The following DOCK9 variants were observed in gnomAD, a reference collection of about 807,000 sequenced individuals.
The protein encoded by DOCK9 is dedicator of cytokinesis 9.
A neutral mutation model predicts 263.3 loss-of-function variants in DOCK9; 89 were observed. That is an observed-to-expected ratio of 0.34 (90% CI 0.28 to 0.40). The LOEUF (loss-of-function observed/expected upper bound fraction) is 0.40. DOCK9 is among the 10% of genes least tolerant of loss of function. The probability of loss-of-function intolerance (pLI) is 1.00; values close to 1 mark genes in which losing one functional copy is unlikely to be tolerated. For synonymous variants in DOCK9, 976 were observed against 973.1 expected, an observed-to-expected ratio of 1.00 and a Z score of -0.06; for missense variants, 2,140 against 2,603.4, an observed-to-expected ratio of 0.82 and a Z score of 3.87.
upstream of DOCK9, chr13:99,088,128 C>G (rs75741105): frequency 3.2e-3 from 489 of 152,384 alleles, 3 homozygotes; most frequent in African/African-American, 0.011. Flanking sequence ...TAATTACTTG[C>G]AGGATCGGAT....
chr13:98,932,029 G>A (rs72651836), intron 2 of DOCK9, among the ~76,000 whole-genome samples: 3,220 of 152,236 alleles, frequency 0.021, 58 homozygotes, highest in Admixed American at 0.062. Flanking sequence ...GCCCGGCCTG[G>A]GCTTCAGGTT....
chr13:98,999,316 A>ACT lies in DOCK9; in HGVS notation c.130-43767_130-43766dup, dbSNP rs903855891. Among the ~76,000 whole-genome samples the ACT allele has an allele frequency of 2.4e-3, 328 of 138,362 alleles. 1 individual carries two copies. The highest frequency in any genetic ancestry group is 6.3e-3 in the Admixed American group (90 of 14,236). The allele number at this position is 138,362 out of a possible 152,430, so 90.8% of individuals were successfully genotyped here. A position where few individuals can be genotyped will look rare whatever the true frequency, so the allele number is the denominator to read the frequency against. On this transcript the variant is annotated intron_variant, in intron 1 of 32. Coordinates refer to the DOCK9 transcript ENST00000427887. ...CACACACACACACACACACACACAC[A>ACT]CTCTCTCTCTCTCTCTCTCTGGAAG...
At chr13:98,841,794 CATTATT>C (rs71114554) in intron 38 of DOCK9, among the ~76,000 whole-genome samples, 10 of 149,206 alleles carry the variant, frequency 6.7e-5, no homozygotes, top group South Asian at 6.5e-4. Context: ...GATTTTTCTG[CATTATT>C]ATTATTATTA....
In DOCK9 at chr13:98,839,961, A is replaced by G. The variant is rs73555184; in HGVS notation, c.4199-2352T>C. Among the ~76,000 whole-genome samples the G allele has an allele frequency of 7.2e-3, 1,101 of 152,312 alleles. 17 individuals are homozygous for G. Among genetic ancestry groups the G allele is most frequent in the African/African-American group, 0.026 (1,070 of 41,558 alleles). ...ATGGTCCTTTTAGCCACATATTGTT[A>G]TGCTTTGCTTTTCCTCCAACTGTTT... On this transcript the variant is annotated intron_variant, in intron 38 of 52. Coordinates refer to ENST00000682017, the MANE Select transcript of DOCK9 (RefSeq NM_001366683.2).
In DOCK9 at chr13:98,856,160, C is replaced by G. The variant is rs919324899; in HGVS notation, c.3698-129G>C. On this transcript the variant is annotated intron_variant, in intron 33 of 52. Coordinates refer to ENST00000682017, the MANE Select transcript of DOCK9 (RefSeq NM_001366683.2). Reference sequence around the variant, plus strand: ...TGTTAGGAAGTTGGCTCAAGAGTTGCATTCCATTACTTCACCTTTAAAGAA... The same window carrying G: ...TGTTAGGAAGTTGGCTCAAGAGTTGGATTCCATTACTTCACCTTTAAAGAA... The G allele has an allele frequency of 2.4e-5, 21 of 879,394 alleles. No individual in the cohort carries two copies. In the Middle Eastern group the frequency reaches 8.2e-4, roughly 34 times the overall value. The allele number at this position is 879,394 out of a possible 1,614,324, so 54.5% of individuals were successfully genotyped here.
intron 4 of DOCK9, among the ~76,000 whole-genome samples, chr13:98,924,154 A>G (rs974538391): frequency 4.6e-5 from 7 of 152,230 alleles, no homozygotes; most frequent in Non-Finnish European, 8.8e-5. Context: ...AGAATTAAAA[A>G]ATCCCTAAGG....
chr13:98,888,223 C>G lies in DOCK9; in HGVS notation c.1978G>C (p.Ala660Pro). Reference protein sequence around the residue: ...KYDSQKSFAKARNIAICIEFK... With the variant: ...KYDSQKSFAKPRNIAICIEFK... Reference sequence around the variant, plus strand: ...TCAATGCAAATCGCAATATTTCTAGCCTGCAGCAATAAACAAAACAGAATA... The same window carrying G: ...TCAATGCAAATCGCAATATTTCTAGGCTGCAGCAATAAACAAAACAGAATA... The change falls in exon 18 of 53, where the codon GCT (alanine) becomes CCT (proline). Residue 660 changes from alanine (A) to proline (P), a missense_variant and splice_region_variant. Transcript: ENST00000682017. 2 of 1,610,636 alleles carry G rather than the reference C, an allele frequency of 1.2e-6. No homozygotes were observed. Among genetic ancestry groups the G allele is most frequent in the Non-Finnish European group, 1.7e-6 (2 of 1,178,376 alleles).
At chr13:98,877,551 C>G (rs2044068836) in intron 27 of DOCK9, among the ~76,000 whole-genome samples, 1 of 152,098 alleles carries the variant, frequency 6.6e-6, no homozygotes, top group African/African-American at 2.4e-5. Flanking sequence ...GCCAAAACCA[C>G]TCTCTCTCCA....
At chr13:98,985,338 A>G (rs1477682074) in intron 1 of DOCK9, among the ~76,000 whole-genome samples, 1 of 134,650 alleles carries the variant, frequency 7.4e-6, no homozygotes, top group Non-Finnish European at 1.5e-5. Flanking sequence ...TCATTTTTCC[A>G]TAGGCTCTAT....
chr13:99,085,682 T>TG (rs1333260251), intron 1 of DOCK9, among the ~76,000 whole-genome samples: 2 of 150,650 alleles, frequency 1.3e-5, no homozygotes, highest in African/African-American at 4.9e-5. Context: ...GGCTTGGAGG[T>TG]GGGGGGCGCA....
chr13:99,011,850 C>A (rs926785298), intron 1 of DOCK9, among the ~76,000 whole-genome samples: 1 of 152,198 alleles, frequency 6.6e-6, no homozygotes, highest in African/African-American at 2.4e-5. Context: ...GAGACATGGT[C>A]TCCTTCTGTC....
In DOCK9 at chr13:98,925,780, C is replaced by T; in HGVS notation, c.416+57G>A. 3 of 1,227,242 alleles carry T rather than the reference C, an allele frequency of 2.4e-6. No individual in the cohort carries two copies. The South Asian group carries it at 4.3e-5, about 18-fold the overall frequency. The allele number at this position is 1,227,242 out of a possible 1,614,324, so 76.0% of individuals were successfully genotyped here. A position where few individuals can be genotyped will look rare whatever the true frequency, so the allele number is the denominator to read the frequency against. ...ATTGCATATGAAGTTACATACCTCC[C>T]CCCAAGCATTTCAAGTACAAAGACT... On this transcript the variant is annotated intron_variant, in intron 4 of 52. Transcript: ENST00000682017.
At chr13:99,054,102 G>A (rs2040818029) in intron 1 of DOCK9, among the ~76,000 whole-genome samples, 1 of 152,116 alleles carries the variant, frequency 6.6e-6, no homozygotes, top group Non-Finnish European at 1.5e-5. Context: ...GCAATTCTTT[G>A]CCGCATCTCA....
In DOCK9 at chr13:98,829,286, A is replaced by G. The variant is rs1283143446; in HGVS notation, c.4965+21T>C. ...ACTGGTTTTTTCAAAAACCCATTCA[A>G]GCGGCTGGCAGGGCTACTACCTCTG... On this transcript the variant is annotated intron_variant, in intron 43 of 52. Coordinates refer to ENST00000682017, the MANE Select transcript of DOCK9 (RefSeq NM_001366683.2). The surrounding 1 kb of genome is among the most constrained non-coding windows in gnomAD (Gnocchi z 4.1). 2 of 1,597,340 alleles carry G rather than the reference A, an allele frequency of 1.3e-6. No homozygotes were observed. The highest frequency in any genetic ancestry group is 2.3e-5 in the South Asian group (2 of 88,798).
chr13:98,828,558 T>C (rs1465087418), intron 43 of DOCK9, among the ~76,000 whole-genome samples: 1 of 152,332 alleles, frequency 6.6e-6, no homozygotes, highest in Admixed American at 6.5e-5. Context: ...TTAGAGTATG[T>C]TTATTAATTC....
At chr13:99,006,015 T>A (rs1362130685) in intron 1 of DOCK9, among the ~76,000 whole-genome samples, 1 of 152,124 alleles carries the variant, frequency 6.6e-6, no homozygotes, top group African/African-American at 2.4e-5. Context: ...TTTCTAAGCA[T>A]AAAGGTAATG....
chr13:98,917,715 C>G (rs2051130613), intron 7 of DOCK9, among the ~76,000 whole-genome samples: 1 of 149,978 alleles, frequency 6.7e-6, no homozygotes, highest in Admixed American at 6.7e-5. Flanking sequence ...TGTATCCTCT[C>G]AAATTACCTG....
intron 1 of DOCK9, among the ~76,000 whole-genome samples, chr13:99,069,572 G>A (rs1596031500): frequency 6.6e-6 from 1 of 152,140 alleles, no homozygotes; most frequent in Non-Finnish European, 1.5e-5. Flanking sequence ...TGGCAAACTC[G>A]ATTTTGTTCT....
chr13:98,824,166 A>G (rs1594368164), intron 45 of DOCK9, among the ~76,000 whole-genome samples: 1 of 152,364 alleles, frequency 6.6e-6, no homozygotes, highest in Non-Finnish European at 1.5e-5. Flanking sequence ...CTTCATTACA[A>G]TCTAGCCCCT....
Sources: gnomAD v4.1 joint callset for allele counts (sites outside exome capture counted in the v4.1 genomes callset) on GRCh38, gnomAD v4.1.1 for gene constraint, Gnocchi (gnomAD v3.1) non-coding constraint, MANE v1.5 for transcripts, NCBI Gene and HGNC (gene_info 2026-07-23, HGNC 2026-07-21) for gene names.